AHI1: variants seen among roughly 807,000 people sequenced by gnomAD.
AHI1 encodes jouberin.
A neutral mutation model predicts 149.3 loss-of-function variants in AHI1; 123 were observed. The ratio of observed to expected loss-of-function variants is 0.82; its 90% CI spans 0.71 to 0.96. AHI1 has a LOEUF of 0.96. AHI1 is among the 40% of genes least tolerant of loss of function. The probability of loss-of-function intolerance (pLI) is 0.00; values close to 1 mark genes in which losing one functional copy is unlikely to be tolerated. For synonymous variants in AHI1, 475 were observed against 459.8 expected, an observed-to-expected ratio of 1.03 and a Z score of -0.42; for missense variants, 1,439 against 1,422.7, an observed-to-expected ratio of 1.01 and a Z score of -0.18.
chr6:135,490,138 G>C, intron 5 of AHI1: 1 of 716,298 alleles, frequency 1.4e-6, no homozygotes, highest in East Asian at 2.7e-5. Context: ...ATTCCTTCAA[G>C]TGTGCTGCCA....
intron 20 of AHI1, among the ~76,000 whole-genome samples, chr6:135,424,776 A>C (rs1783702355): frequency 6.6e-6 from 1 of 151,956 alleles, no homozygotes; most frequent in Non-Finnish European, 1.5e-5. Context: ...GCTTATAAAA[A>C]AAAATAAGCT....
intron 5 of AHI1, among the ~76,000 whole-genome samples, chr6:135,472,954 T>C (rs1333014671): frequency 6.6e-6 from 1 of 152,208 alleles, no homozygotes; most frequent in East Asian, 1.9e-4. Flanking sequence ...TTTTCATTTT[T>C]GTAGCAATGC....
intron 20 of AHI1, among the ~76,000 whole-genome samples, chr6:135,415,819 C>T (rs899442522): frequency 3.9e-5 from 6 of 151,908 alleles, no homozygotes; most frequent in African/African-American, 1.5e-4. Context: ...TAAACAACAC[C>T]CAACAATATA....
intron 13 of AHI1, 66 bp from the exon 14 acceptor site, chr6:135,442,780 T>C: frequency 7.0e-7 from 1 of 1,421,690 alleles, no homozygotes; most frequent in Non-Finnish European, 9.5e-7. Flanking sequence ...AGTTTTTAAT[T>C]TCAATTACTG....
chr6:135,490,472 TA>T, intron 5 of AHI1, 150 bp downstream of exon 5: 1 of 900,330 alleles, frequency 1.1e-6, no homozygotes, highest in Non-Finnish European at 1.7e-6. Flanking sequence ...GATTCTAATA[TA>T]AACTTTATTT....
At chr6:135,332,131 G>A (rs1231458765) in intron 24 of AHI1, among the ~76,000 whole-genome samples, 5 of 149,826 alleles carry the variant, frequency 3.3e-5, no homozygotes, top group African/African-American at 9.9e-5. Flanking sequence ...GTGCAGTGGT[G>A]CAGTCTTGGC....
At chr6:135,332,056 G>A (rs1489894065) in intron 24 of AHI1, among the ~76,000 whole-genome samples, 3 of 148,942 alleles carry the variant, frequency 2.0e-5, no homozygotes, top group African/African-American at 4.9e-5. Context: ...CTTGATATCC[G>A]TTTTCAGGTT....
At chr6:135,491,171 C>T (rs1214494755) in intron 4 of AHI1, among the ~76,000 whole-genome samples, 1 of 152,094 alleles carries the variant, frequency 6.6e-6, no homozygotes, top group Non-Finnish European at 1.5e-5. Flanking sequence ...AATCAGTATT[C>T]CACAAATATT....
intron 27 of AHI1, among the ~76,000 whole-genome samples, chr6:135,297,720 A>T (rs1783310713): frequency 1.3e-5 from 2 of 152,192 alleles, no homozygotes; most frequent in Non-Finnish European, 1.5e-5. Context: ...CAGAAAACGG[A>T]TAATAAAAGT....
intron 20 of AHI1, among the ~76,000 whole-genome samples, chr6:135,416,366 G>A (rs1188642087): frequency 4.1e-5 from 6 of 147,604 alleles, no homozygotes; most frequent in African/African-American, 1.3e-4. Context: ...ATTAGAAAGT[G>A]CCTTTTTTTT....
In AHI1 at chr6:135,363,920, G is replaced by A. The variant is rs1465353395; in HGVS notation, c.3110-5733C>T. Among the ~76,000 whole-genome samples the A allele has an allele frequency of 1.6e-4, 23 of 147,762 alleles. No individual in the cohort carries two copies. The East Asian group carries it at 4.7e-3, about 30-fold the overall frequency. ...GACCCCCCCCACCTCCCTCCCGGAT[G>A]GGGCGGCTGGCCGGGCGGGGGGCTG... is the stretch of plus-strand genomic sequence containing the variant. On this transcript the variant is annotated intron_variant, in intron 23 of 28. Coordinates refer to ENST00000265602, the MANE Select transcript of AHI1 (RefSeq NM_001134831.2).
chr6:135,471,392 C>T (rs1339251185), intron 5 of AHI1, among the ~76,000 whole-genome samples: 3 of 152,154 alleles, frequency 2.0e-5, no homozygotes, highest in Admixed American at 6.5e-5. Context: ...ATTACACTGA[C>T]ATTTTCATTA....
chr6:135,366,347 T>C (rs561620458), intron 23 of AHI1, among the ~76,000 whole-genome samples: 52 of 152,330 alleles, frequency 3.4e-4, no homozygotes, highest in African/African-American at 1.2e-3. Flanking sequence ...TTTGGAATAG[T>C]GTCAGGAGGA....
intron 23 of AHI1, among the ~76,000 whole-genome samples, chr6:135,364,489 T>C (rs1188082019): frequency 1.4e-5 from 2 of 146,362 alleles, no homozygotes; most frequent in African/African-American, 2.6e-5. Flanking sequence ...CCAGACGGGG[T>C]GGCGGCCGGG....
chr6:135,438,831 T>G (rs2128038890), intron 14 of AHI1, among the ~76,000 whole-genome samples: 1 of 152,286 alleles, frequency 6.6e-6, no homozygotes, highest in South Asian at 2.1e-4. Flanking sequence ...TATTCTATAA[T>G]TTAGGCTTTC....
chr6:135,297,608 C>A, intron 27 of AHI1: 1 of 438,290 alleles, frequency 2.3e-6, no homozygotes. Flanking sequence ...TAATATCTCT[C>A]AATGCATCTA....
chr6:135,286,836 A>G (rs751313844), intron 28 of AHI1, among the ~76,000 whole-genome samples: 3 of 152,240 alleles, frequency 2.0e-5, no homozygotes, highest in African/African-American at 4.8e-5. Context: ...GAAGTTGAGT[A>G]TAAAAATGGT....
chr6:135,343,454 A>C (rs1177031310), intron 24 of AHI1, among the ~76,000 whole-genome samples: 1 of 151,900 alleles, frequency 6.6e-6, no homozygotes, highest in Non-Finnish European at 1.5e-5. Flanking sequence ...TCGAAAAAGA[A>C]CAAGGTTGAA....
At chr6:135,392,498 T>TA (rs1778650482) in intron 23 of AHI1, among the ~76,000 whole-genome samples, 1 of 152,210 alleles carries the variant, frequency 6.6e-6, no homozygotes, top group Admixed American at 6.5e-5. Context: ...GGCTCATACT[T>TA]ACTAGCTCTG....
Sources: allele counts gnomAD v4.1 joint callset (sites outside exome capture counted in the v4.1 genomes callset), GRCh38; gene constraint gnomAD v4.1.1; transcripts MANE v1.5; gene names NCBI Gene and HGNC (gene_info 2026-07-23, HGNC 2026-07-21).